C9orf152: variants seen among roughly 807,000 people sequenced by gnomAD.
The protein encoded by C9orf152 is chromosome 9 open reading frame 152.
In C9orf152, 8 loss-of-function variants were observed where a neutral mutation model predicts 8.5. That is an observed-to-expected ratio of 0.94 (90% CI 0.55 to 1.70). The LOEUF (loss-of-function observed/expected upper bound fraction) is 1.70, where lower values mean the gene tolerates loss of function less well. Among genes scored for constraint, C9orf152 ranks in the 40% most tolerant of loss-of-function variants. The probability of loss-of-function intolerance (pLI) is 0.00; values close to 1 mark genes in which losing one functional copy is unlikely to be tolerated. For synonymous variants in C9orf152, 109 were observed against 113.0 expected, an observed-to-expected ratio of 0.96 and a Z score of 0.22; for missense variants, 293 against 286.2, an observed-to-expected ratio of 1.02 and a Z score of -0.17.
At chr9:110,202,213 T>C (rs1837232028) in intron 1 of C9orf152, among the ~76,000 whole-genome samples, 1 of 152,292 alleles carries the variant, frequency 6.6e-6, no homozygotes, top group Non-Finnish European at 1.5e-5. Flanking sequence ...CCTGAGTAGC[T>C]GGGATTACAA....
At chr9:110,204,696 A>G (rs934468684) in intron 1 of C9orf152, among the ~76,000 whole-genome samples, 5 of 152,220 alleles carry the variant, frequency 3.3e-5, no homozygotes, top group Non-Finnish European at 5.9e-5. Flanking sequence ...GTACATTCAC[A>G]TTGTGGAACC....
chr9:110,206,444 A>G (rs1005289511), intron 1 of C9orf152, among the ~76,000 whole-genome samples: 1 of 152,172 alleles, frequency 6.6e-6, no homozygotes, highest in Non-Finnish European at 1.5e-5. Flanking sequence ...AGCTTTAGGA[A>G]CCTTTCAGTT....
At position 110,201,112 on chromosome 9, in the gene C9orf152, G is replaced by A; in HGVS notation, c.556C>T (p.Gln186Ter). The change falls in exon 2 of 2, where the codon CAA becomes TAA. Residue 186 changes from glutamine (Q) to a stop codon, truncating the protein, a stop_gained. Coordinates refer to ENST00000400613, the MANE Select transcript of C9orf152 (RefSeq NM_001012993.3). LOFTEE classifies it low-confidence loss of function (END_TRUNC). ...AAGCCAGATTCCACTGCCTTTGTTT[G>A]GGTATTGCCCACCTGGCATGGAAGC... Reference protein sequence around the residue: ...AQLPCQVGNTQTKAVESGLKF... With the variant: ...AQLPCQVGNT 11 of 1,614,180 alleles carry A rather than the reference G, an allele frequency of 6.8e-6. No individual in the cohort carries two copies. The highest frequency in any genetic ancestry group is 9.3e-6 in the Non-Finnish European group (11 of 1,180,042).
chr9:110,200,860 A>C lies in C9orf152; in HGVS notation c.*88T>G. On this transcript the variant is annotated 3_prime_UTR_variant, in exon 2 of 2. Coordinates refer to ENST00000400613, the MANE Select transcript of C9orf152 (RefSeq NM_001012993.3). The stretch of plus-strand genomic sequence containing the variant: ...GTTAGTCCAGTTCTTGCTCATAGCT[A>C]GAGACCTCGTTGTGGCTCTGCCTCC... 1.5e-6 allele frequency: 2 copies of C among 1,319,382 alleles called. No homozygotes were observed. The highest frequency in any genetic ancestry group is 2.1e-6 in the Non-Finnish European group (2 of 956,220). The allele number at this position is 1,319,382 out of a possible 1,614,324, so 81.7% of individuals were successfully genotyped here.
In C9orf152 at chr9:110,201,482, G is replaced by T; in HGVS notation, c.194-8C>A. On this transcript the variant is annotated splice_polypyrimidine_tract_variant and splice_region_variant and intron_variant, in intron 1 of 1. Transcript: ENST00000400613. ...GAGCAGGTGTGTTTCCTCCTGAAAAGAGAATGCACCAGCAGGGTCATCACT... is the reference window on the plus strand; with the variant it reads ...GAGCAGGTGTGTTTCCTCCTGAAAATAGAATGCACCAGCAGGGTCATCACT... The T allele has an allele frequency of 6.6e-7, 1 of 1,503,760 alleles. No homozygotes were observed. Among genetic ancestry groups the T allele is most frequent in the Non-Finnish European group, 8.8e-7 (1 of 1,134,870 alleles). The allele number at this position is 1,503,760 out of a possible 1,614,324, so 93.2% of individuals were successfully genotyped here.
At chr9:110,207,324 C>T in intron 1 of C9orf152, 63 bp downstream of exon 1, 1 of 1,549,974 alleles carries the variant, frequency 6.5e-7, no homozygotes, top group Non-Finnish European at 8.8e-7. Context: ...TGCCTCCCTG[C>T]AGCTCTGCCA....
chr9:110,205,902 C>G (rs1255934724), intron 1 of C9orf152, among the ~76,000 whole-genome samples: 1 of 151,974 alleles, frequency 6.6e-6, no homozygotes, highest in Non-Finnish European at 1.5e-5. Flanking sequence ...AAAAAAAATA[C>G]AAAAATTAAC....
Position 110,201,275 on chromosome 9 carries a change from G to T in C9orf152, c.393C>A (p.Pro131=), listed in dbSNP as rs765730779. ...GATGTACTTGATGACTGGTGTCCTG[G>T]GGGGAGGTTTGGACCAAACAATGCA... ...LEMHCLVQTS[P]QDTSHQVHHR... Residue 131 remains proline (P), a synonymous_variant, in exon 2 of 2, where the codon CCC becomes CCA. Coordinates refer to ENST00000400613, the MANE Select transcript of C9orf152 (RefSeq NM_001012993.3). The T allele has an allele frequency of 1.9e-6, 3 of 1,614,056 alleles. No individual in the cohort carries two copies. The highest frequency in any genetic ancestry group is 2.2e-5 in the East Asian group (1 of 44,868).
intron 1 of C9orf152, among the ~76,000 whole-genome samples, chr9:110,204,439 T>C (rs1022730471): frequency 4.0e-4 from 61 of 152,286 alleles, no homozygotes; most frequent in African/African-American, 1.5e-3. Context: ...CCCAATGTCT[T>C]GAGACATTGA....
intron 1 of C9orf152, among the ~76,000 whole-genome samples, chr9:110,205,496 G>A (rs555753596): frequency 2.6e-5 from 4 of 152,188 alleles, no homozygotes; most frequent in African/African-American, 9.6e-5. Context: ...TGTGACATAC[G>A]TGATCTTGTC....
chr9:110,200,804 G>C lies in C9orf152; in HGVS notation c.*144C>G. The C allele has an allele frequency of 1.2e-6, 1 of 828,010 alleles. No individual in the cohort carries two copies. Among genetic ancestry groups the C allele is most frequent in the South Asian group, 1.8e-5 (1 of 55,860 alleles). 51.3% of individuals were successfully genotyped at this position (828,010 alleles called of 1,614,324 possible). ...AAGGGTAAAACCATGTTACCATTGT[G>C]AAGTTCGTCTCCCACAATTCCTATA... is the stretch of plus-strand genomic sequence containing the variant. On this transcript the variant is annotated 3_prime_UTR_variant, in exon 2 of 2. Coordinates refer to ENST00000400613, the MANE Select transcript of C9orf152 (RefSeq NM_001012993.3).
chr9:110,200,013 AG>A lies in C9orf152; in HGVS notation c.*934del, dbSNP rs1185096426. The A allele has an allele frequency of 4.6e-5, 7 of 152,196 alleles. No homozygotes were observed. The highest frequency in any genetic ancestry group is 1.7e-4 in the African/African-American group (7 of 41,448). 9.4% of individuals were successfully genotyped at this position (152,196 alleles called of 1,614,324 possible). On this transcript the variant is annotated 3_prime_UTR_variant, in exon 2 of 2. Transcript: ENST00000400613. The stretch of plus-strand genomic sequence containing the variant: ...GTCTATAGGGAATGTGTATTTTTCA[AG>A]TAGGAGCATTTCTTTGCCTCTTTTG...
rs768435711 is a variant in C9orf152, at chr9:110,207,463, G to C, written c.117C>G (p.Ile39Met). Reference protein sequence around the residue: ...QAPGKGPPLSIQFLRAQYEGL... With the variant: ...QAPGKGPPLSMQFLRAQYEGL... The stretch of plus-strand genomic sequence containing the variant: ...CTTCATACTGGGCTCGCAGGAACTG[G>C]ATGCTGAGTGGGGGCCCTTTCCCAG... The change falls in exon 1 of 2, where the codon ATC becomes ATG. Residue 39 changes from isoleucine to methionine, a missense_variant. Physicochemically the swap from Ile to Met is conservative, Grantham distance 10. Transcript: ENST00000400613. 1.9e-6 allele frequency: 3 copies of C among 1,613,466 alleles called. No individual in the cohort carries two copies. Among genetic ancestry groups the C allele is most frequent in the Non-Finnish European group, 2.5e-6 (3 of 1,179,700 alleles).
At chr9:110,206,052 C>T (rs2118505176) in intron 1 of C9orf152, among the ~76,000 whole-genome samples, 1 of 111,356 alleles carries the variant, frequency 9.0e-6, no homozygotes, top group East Asian at 3.0e-4. Flanking sequence ...GAGTGAGAAT[C>T]TGTCTCAAAA....
At position 110,200,635 on chromosome 9, in the gene C9orf152, G is replaced by A. The variant is rs1837203875; in HGVS notation, c.*313C>T. 3.9e-6 allele frequency: 1 copy of A among 254,252 alleles called. No individual in the cohort carries two copies. Among genetic ancestry groups the A allele is most frequent in the South Asian group, 1.4e-4 (1 of 7,172 alleles). 15.7% of individuals were successfully genotyped at this position (254,252 alleles called of 1,614,324 possible). A position where few individuals can be genotyped will look rare whatever the true frequency, so the allele number is the denominator to read the frequency against. Reference sequence around the variant, plus strand: ...TGTTCCAAAATTATCCAGTTCCAGGGATGGAGCAGATGTCTTACTGGTCCT... The same window carrying A: ...TGTTCCAAAATTATCCAGTTCCAGGAATGGAGCAGATGTCTTACTGGTCCT... On this transcript the variant is annotated 3_prime_UTR_variant, in exon 2 of 2. Transcript: ENST00000400613.
In C9orf152 at chr9:110,201,309, T is replaced by C; in HGVS notation, c.359A>G (p.His120Arg). 1 of 1,613,666 alleles carries C rather than the reference T, an allele frequency of 6.2e-7. No individual in the cohort carries two copies. Among genetic ancestry groups the C allele is most frequent in the East Asian group, 2.2e-5 (1 of 44,870 alleles). ...LQAPKSPWHT[H>R]LEMHCLVQTS... ...TTGGACCAAACAATGCATCTCCAGG[T>C]GCGTGTGCCATGGAGACTTGGGGGC... Residue 120 changes from histidine (H) to arginine (R), a missense_variant, in exon 2 of 2, where the codon CAC becomes CGC. Physicochemically the swap from His to Arg is conservative, Grantham distance 29. Transcript: ENST00000400613.
In C9orf152 at chr9:110,201,040, AC is replaced by A; in HGVS notation, c.627del (p.Arg209SerfsTer69). The A allele has an allele frequency of 6.2e-7, 1 of 1,614,196 alleles. No homozygotes were observed. The highest frequency in any genetic ancestry group is 8.5e-7 in the Non-Finnish European group (1 of 1,180,046). ...QCPLSIKNPHRSGKPAYYPFP... is the reference protein window; with the variant it reads ...QCPLSIKNPHXSGKPAYYPFP... ...AATGGATAGTAAGCTGGTTTGCCAG[AC>A]CTGTGTGGGTTCTTTATGGAAAGAG... On this transcript the variant is annotated frameshift_variant, in exon 2 of 2. Transcript: ENST00000400613. LOFTEE classifies it high-confidence loss of function.
rs546535275 is a variant in C9orf152, at chr9:110,199,805, G to C, written c.*1143C>G. 3 of 152,244 alleles carry C rather than the reference G, an allele frequency of 2.0e-5. No homozygotes were observed. The highest frequency in any genetic ancestry group is 2.1e-4 in the South Asian group (1 of 4,818). 9.4% of individuals were successfully genotyped at this position (152,244 alleles called of 1,614,324 possible). A position where few individuals can be genotyped will look rare whatever the true frequency, so the allele number is the denominator to read the frequency against. On this transcript the variant is annotated 3_prime_UTR_variant, in exon 2 of 2. Transcript: ENST00000400613. ...GTGAAACTTTACAGAGAAAGCACCT[G>C]AGATGAGGGAAAGGCACCTTAGGTG...
At chr9:110,201,529 C>T in intron 1 of C9orf152, 55 bp from the exon 2 acceptor site, 2 of 1,426,120 alleles carry the variant, frequency 1.4e-6, no homozygotes, top group Non-Finnish European at 1.9e-6. Context: ...GGGCGGCTCT[C>T]ACTTAGGGGG....
Sources: gnomAD v4.1 joint callset for allele counts (sites outside exome capture counted in the v4.1 genomes callset) on GRCh38, gnomAD v4.1.1 for gene constraint, MANE v1.5 for transcripts, NCBI Gene and HGNC (gene_info 2026-07-23, HGNC 2026-07-21) for gene names.